Variants in CEP350 observed in about 807,000 individuals in gnomAD.
CEP350 encodes centrosome-associated protein 350.
Under a neutral mutation model 331.8 loss-of-function variants are expected in CEP350, and 126 were observed. The observed-to-expected ratio is 0.38, with a 90% CI of 0.33 to 0.44. The LOEUF is 0.44. CEP350 is among the 20% of genes least tolerant of loss of function. The pLI is 1.00. For synonymous variants in CEP350, 1,200 were observed against 1,259.5 expected (o/e 0.95, Z 1.00); for missense variants, 3,406 against 3,634.6 (o/e 0.94, Z 1.62).
chr1:180,040,889 A>G (rs776497757), intron 17 of CEP350, among the ~76,000 whole-genome samples: 7 of 152,106 alleles, frequency 4.6e-5, no homozygotes, highest in Non-Finnish European at 5.9e-5. Context: ...GCTTTTTGGT[A>G]TTAATTCTTA....
intron 16 of CEP350, 32 bp from the exon 17 acceptor site, chr1:180,036,894 C>G (rs375226433): frequency 4.4e-5 from 65 of 1,473,230 alleles, no homozygotes; most frequent in Non-Finnish European, 5.9e-5. Flanking sequence ...TTCATGTTAA[C>G]TTTTCCATTT....
At position 180,041,162 on chromosome 1, in the gene CEP350, G is replaced by C. The variant is rs1322679568; in HGVS notation, c.4135G>C (p.Asp1379His). Reference protein sequence around the residue: ...IKAQQQRHERDLALLKLKAEQ... With the variant: ...IKAQQQRHERHLALLKLKAEQ... The stretch of plus-strand genomic sequence containing the variant: ...GGCACAACAGCAACGCCATGAAAGA[G>C]ACTTGGCCCTCTTGAAACTAAAGGC... Residue 1379 changes from aspartate (D) to histidine (H), a missense_variant, in exon 18 of 38, where the codon GAC becomes CAC. Asp to His is a moderately conservative substitution (Grantham distance 81). Coordinates refer to ENST00000367607, the MANE Select transcript of CEP350 (RefSeq NM_014810.5). The C allele has an allele frequency of 1.9e-6, 3 of 1,596,230 alleles. No homozygotes were observed. Among genetic ancestry groups the C allele is most frequent in the Non-Finnish European group, 2.6e-6 (3 of 1,171,286 alleles).
At chr1:180,064,679 T>C (rs1235468934) in intron 26 of CEP350, among the ~76,000 whole-genome samples, 2 of 152,192 alleles carry the variant, frequency 1.3e-5, no homozygotes, top group Non-Finnish European at 2.9e-5. Context: ...CATGCCCTAG[T>C]ATGATTAAAA....
At chr1:179,968,905 G>A (rs576503360) in intron 1 of CEP350, 1 of 756,164 alleles carries the variant, frequency 1.3e-6, no homozygotes, top group East Asian at 2.4e-5. Context: ...CCAGAAGGCT[G>A]TGTTGAAGTT....
chr1:180,090,080 G>C (rs1660079458), intron 32 of CEP350, among the ~76,000 whole-genome samples: 1 of 152,200 alleles, frequency 6.6e-6, no homozygotes, highest in Non-Finnish European at 1.5e-5. Flanking sequence ...GAACAAATAA[G>C]AGAGAGACAA....
Position 179,955,001 on chromosome 1 carries a change from G to C in CEP350, c.-155G>C. On this transcript the variant is annotated 5_prime_UTR_variant, in exon 1 of 38. Coordinates refer to ENST00000367607, the MANE Select transcript of CEP350 (RefSeq NM_014810.5). ...GGACCGGCGGATCCCCGGAGCCGGT[G>C]CGAGGAGGGCACCCGGTGCGTCCCC... 1 of 1,286,948 alleles carries C rather than the reference G, an allele frequency of 7.8e-7. No homozygotes were observed. The highest frequency in any genetic ancestry group is 9.9e-7 in the Non-Finnish European group (1 of 1,008,336). The allele number at this position is 1,286,948 out of a possible 1,614,324, so 79.7% of individuals were successfully genotyped here.
chr1:179,982,266 C>G (rs1222736999), intron 1 of CEP350, among the ~76,000 whole-genome samples: 9 of 152,118 alleles, frequency 5.9e-5, no homozygotes, highest in Admixed American at 5.9e-4. Context: ...ACTATAGATT[C>G]CTTTTGCCTA....
At chr1:180,102,872 TTGTC>T (rs1479060281) in intron 37 of CEP350, among the ~76,000 whole-genome samples, 1 of 152,246 alleles carries the variant, frequency 6.6e-6, no homozygotes, top group Non-Finnish European at 1.5e-5. Context: ...AGCAGCATCA[TTGTC>T]TGCGGTGAAT....
chr1:180,083,907 G>C, intron 30 of CEP350, 111 bp from the exon 31 acceptor site: 1 of 514,056 alleles, frequency 1.9e-6, no homozygotes, highest in Non-Finnish European at 3.3e-6. Flanking sequence ...TTAATTATTA[G>C]ATTGGCTTTA....
intron 27 of CEP350, among the ~76,000 whole-genome samples, chr1:180,071,614 TA>T (rs1048511418): frequency 4.0e-5 from 6 of 151,636 alleles, no homozygotes; most frequent in African/African-American, 1.5e-4. Context: ...CTGTCTCTAC[TA>T]AAAAAATAAA....
At chr1:180,018,919 G>A (rs993848484) in intron 11 of CEP350, among the ~76,000 whole-genome samples, 4 of 146,838 alleles carry the variant, frequency 2.7e-5, no homozygotes, top group Non-Finnish European at 5.9e-5. Flanking sequence ...GCAGTGGCAC[G>A]ATCTCGGCCC....
intron 1 of CEP350, among the ~76,000 whole-genome samples, chr1:179,959,667 T>C (rs1382819984): frequency 6.6e-6 from 1 of 151,994 alleles, no homozygotes. Flanking sequence ...GGCAGGAGAA[T>C]TGCTTGAACC....
chr1:179,992,785 A>G (rs1653188031), intron 5 of CEP350, among the ~76,000 whole-genome samples: 1 of 152,196 alleles, frequency 6.6e-6, no homozygotes, highest in Admixed American at 6.5e-5. Context: ...AACATAGCTT[A>G]AGATATTCAA....
chr1:179,973,623 G>A (rs190716976), intron 1 of CEP350, among the ~76,000 whole-genome samples: 23 of 151,970 alleles, frequency 1.5e-4, no homozygotes, highest in Admixed American at 3.3e-4. Context: ...TTTATCAAAC[G>A]GCTCCCATTA....
intron 31 of CEP350, chr1:180,087,235 G>A (rs1659919906): frequency 6.3e-6 from 1 of 159,084 alleles, no homozygotes; most frequent in African/African-American, 2.4e-5. Context: ...AAGATACCAT[G>A]AAAGTAATAG....
At chr1:180,038,188 C>T (rs1656498878) in intron 17 of CEP350, among the ~76,000 whole-genome samples, 1 of 152,076 alleles carries the variant, frequency 6.6e-6, no homozygotes, top group Admixed American at 6.6e-5. Flanking sequence ...TATTCAATAC[C>T]AATTTAAGAT....
chr1:180,006,452 A>C lies in CEP350; in HGVS notation c.1133-2A>C. The C allele has an allele frequency of 7.4e-7, 1 of 1,360,428 alleles. No homozygotes were observed. Among genetic ancestry groups the C allele is most frequent in the Non-Finnish European group, 1.0e-6 (1 of 972,636 alleles). 84.3% of individuals were successfully genotyped at this position (1,360,428 alleles called of 1,614,324 possible). A position where few individuals can be genotyped will look rare whatever the true frequency, so the allele number is the denominator to read the frequency against. On this transcript the variant is annotated splice_acceptor_variant, in intron 7 of 37. Transcript: ENST00000367607. LOFTEE classifies it high-confidence loss of function. ...TTTGCTGTAAATATTTCTGCTTTTC[A>C]GATGATATTTCTATAAAGGAGAAAC... is the stretch of plus-strand genomic sequence containing the variant.
intron 3 of CEP350, among the ~76,000 whole-genome samples, chr1:179,988,699 C>A (rs1482813987): frequency 6.6e-6 from 1 of 151,574 alleles, no homozygotes; most frequent in East Asian, 1.9e-4. Context: ...GCTCTCTGGG[C>A]AAATTACTTT....
chr1:179,980,757 C>A (rs1317065235), intron 1 of CEP350, among the ~76,000 whole-genome samples: 5 of 151,912 alleles, frequency 3.3e-5, no homozygotes, highest in Admixed American at 2.0e-4. Context: ...TCTGTAAGGA[C>A]CATTTCTTAT....
Sources: gnomAD v4.1 joint callset for allele counts (sites outside exome capture counted in the v4.1 genomes callset) on GRCh38, gnomAD v4.1.1 for gene constraint, MANE v1.5 for transcripts, NCBI Gene and HGNC (gene_info 2026-07-23, HGNC 2026-07-21) for gene names.